The following ACTR3B variants were observed in gnomAD, a reference collection of about 807,000 sequenced individuals.
ACTR3B encodes the protein actin related protein 3B.
In ACTR3B, 8 loss-of-function variants were observed where a neutral mutation model predicts 59.0. The ratio of observed to expected loss-of-function variants is 0.14; its 90% confidence interval spans 0.08 to 0.24. The LOEUF (loss-of-function observed/expected upper bound fraction) is 0.24. ACTR3B is among the 10% of genes least tolerant of loss of function. ACTR3B has a pLI of 1.00. For synonymous variants in ACTR3B, 148 were observed against 197.9 expected, an observed-to-expected ratio of 0.75 and a Z score of 2.12; for missense variants, 245 against 552.3, an observed-to-expected ratio of 0.44 and a Z score of 5.58.
intron 9 of ACTR3B, among the ~76,000 whole-genome samples, chr7:152,838,628 C>T (rs1294900964): frequency 6.6e-6 from 1 of 151,934 alleles, no homozygotes; most frequent in African/African-American, 2.4e-5. Flanking sequence ...ACGTGTATAC[C>T]TGTGTAACAA....
At chr7:152,833,474 C>G (rs1590405213) in intron 9 of ACTR3B, among the ~76,000 whole-genome samples, 1 of 152,260 alleles carries the variant, frequency 6.6e-6, no homozygotes, top group East Asian at 1.9e-4. Context: ...ATAGGGCTGT[C>G]CTCTTAACCT....
rs2689492 is a variant in ACTR3B, at chr7:152,779,902, C to T, written c.45-3285C>T. ...ATTCAAAGTAACAAAACTTCAAGTG[C>T]ATTTGATACTATTAATATATAAGGA... On this transcript the variant is annotated intron_variant, in intron 1 of 11. Transcript: ENST00000256001. Among the ~76,000 whole-genome samples, 3 of 152,120 alleles carry T rather than the reference C, an allele frequency of 2.0e-5. No homozygotes were observed. In the East Asian group the frequency reaches 5.8e-4, roughly 29 times the overall value.
intron 2 of ACTR3B, among the ~76,000 whole-genome samples, chr7:152,788,913 C>T (rs1472186226): frequency 3.3e-5 from 5 of 152,196 alleles, no homozygotes; most frequent in African/African-American, 1.2e-4. Flanking sequence ...ATCCCAGCTA[C>T]TTGGAAGGCT....
At chr7:152,789,724 C>T (rs1387302754) in intron 2 of ACTR3B, among the ~76,000 whole-genome samples, 1 of 151,966 alleles carries the variant, frequency 6.6e-6, no homozygotes, top group African/African-American at 2.4e-5. Flanking sequence ...GCTAGAACTT[C>T]TATTAAAATA....
intron 2 of ACTR3B, among the ~76,000 whole-genome samples, chr7:152,792,767 A>G (rs1563098205): frequency 1.3e-5 from 2 of 152,034 alleles, no homozygotes; most frequent in Non-Finnish European, 2.9e-5. Context: ...CCAAAAAAAC[A>G]AAAACAAAAA....
At chr7:152,823,874 A>G (rs1426643239) in intron 8 of ACTR3B, among the ~76,000 whole-genome samples, 1 of 152,198 alleles carries the variant, frequency 6.6e-6, no homozygotes, top group African/African-American at 2.4e-5. Flanking sequence ...AGAGTGGGAT[A>G]ATATGTAACC....
chr7:152,834,456 C>T (rs951752716), intron 9 of ACTR3B, among the ~76,000 whole-genome samples: 3 of 152,184 alleles, frequency 2.0e-5, no homozygotes, highest in Non-Finnish European at 2.9e-5. Flanking sequence ...GCCCGGTTGT[C>T]GCTGTTTATG....
intron 1 of ACTR3B, among the ~76,000 whole-genome samples, chr7:152,779,593 T>C (rs2098145498): frequency 6.6e-6 from 1 of 152,222 alleles, no homozygotes; most frequent in South Asian, 2.1e-4. Context: ...TCTTGAGCAC[T>C]TGCCATATTT....
chr7:152,785,383 G>C (rs1182165439), intron 2 of ACTR3B, among the ~76,000 whole-genome samples: 1 of 19,874 alleles, frequency 5.0e-5, no homozygotes, highest in East Asian at 2.9e-3. Flanking sequence ...TTGTGAGGGG[G>C]GGGGGAGGGG....
intron 4 of ACTR3B, chr7:152,811,966 C>T (rs1436819799): frequency 8.3e-6 from 1 of 120,142 alleles, no homozygotes; most frequent in African/African-American, 2.7e-5. Context: ...CATTTTTTTC[C>T]ATTAAAATTT....
In ACTR3B at chr7:152,766,090, G is replaced by T. The variant is rs1345464927; in HGVS notation, c.44+6164G>T. Among the ~76,000 whole-genome samples, 4 of 151,970 alleles carry T rather than the reference G, an allele frequency of 2.6e-5. No homozygotes were observed. In the East Asian group the frequency reaches 7.7e-4, roughly 29 times the overall value. On this transcript the variant is annotated intron_variant, in intron 1 of 11. Transcript: ENST00000256001. ...CTTCATGTATTAAGGTCTGTTCAGG[G>T]GTTCCGCAGACCACTCCCAGTTCCA... is the stretch of plus-strand genomic sequence containing the variant.
chr7:152,813,576 A>C (rs1795448290), intron 4 of ACTR3B: 1 of 151,992 alleles, frequency 6.6e-6, no homozygotes, highest in East Asian at 1.9e-4. Context: ...TCTGTCACCC[A>C]GGTTGGAGTG....
intron 1 of ACTR3B, among the ~76,000 whole-genome samples, chr7:152,769,523 A>G (rs983821948): frequency 5.3e-5 from 8 of 152,168 alleles, no homozygotes; most frequent in Admixed American, 3.9e-4. Flanking sequence ...TTTTTAGTCA[A>G]TATGAAAATG....
Position 152,844,509 on chromosome 7 carries a change from C to T in ACTR3B, c.952-7617C>T, listed in dbSNP as rs1483741624. ...AAAAAAATCTAGGTTGTTAGGCTTA[C>T]GTTTATTTGAAATAGAAATTTATCT... On this transcript the variant is annotated intron_variant, in intron 9 of 11. Transcript: ENST00000256001. Among the ~76,000 whole-genome samples, 7 of 151,890 alleles carry T rather than the reference C, an allele frequency of 4.6e-5. No individual in the cohort carries two copies. The South Asian group carries it at 6.2e-4, about 14-fold the overall frequency.
chr7:152,785,400 AGG>A (rs1563089876), intron 2 of ACTR3B, among the ~76,000 whole-genome samples: 4 of 2,364 alleles, frequency 1.7e-3, no homozygotes, highest in South Asian at 0.028. Flanking sequence ...GGGGAGGGGG[AGG>A]GGGAGAGGGA....
intron 9 of ACTR3B, among the ~76,000 whole-genome samples, chr7:152,825,750 C>T (rs1563134957): frequency 6.6e-6 from 1 of 152,084 alleles, no homozygotes; most frequent in Non-Finnish European, 1.5e-5. Flanking sequence ...CCGTGAATTC[C>T]ATTGGTTTCG....
At chr7:152,844,322 T>G (rs1184302363) in intron 9 of ACTR3B, among the ~76,000 whole-genome samples, 1 of 152,136 alleles carries the variant, frequency 6.6e-6, no homozygotes, top group Non-Finnish European at 1.5e-5. Context: ...CCTCCCAAAG[T>G]GCTGAGATTA....
chr7:152,798,113 C>G (rs1231924791), intron 2 of ACTR3B, among the ~76,000 whole-genome samples: 1 of 152,080 alleles, frequency 6.6e-6, no homozygotes, highest in Non-Finnish European at 1.5e-5. Flanking sequence ...AGCCTCTATA[C>G]TGTTTTCCAT....
At position 152,854,438 on chromosome 7, in the gene ACTR3B, C is replaced by T; in HGVS notation, c.1162-20C>T. ...TCTTCTGAAATGAGTGTCTTTCTGT[C>T]TGCCTGTTGCCTCTCGTAGCCCGAG... On this transcript the variant is annotated intron_variant, in intron 11 of 11. Coordinates refer to ENST00000256001, the MANE Select transcript of ACTR3B (RefSeq NM_020445.6). This position sits in a 1 kb window ranked among gnomAD's most constrained non-coding sequence, Gnocchi z 4.9. 1 of 1,607,496 alleles carries T rather than the reference C, an allele frequency of 6.2e-7. No individual in the cohort carries two copies. Among genetic ancestry groups the T allele is most frequent in the Non-Finnish European group, 8.5e-7 (1 of 1,174,052 alleles).
Sources: allele counts gnomAD v4.1 joint callset (sites outside exome capture counted in the v4.1 genomes callset), GRCh38; gene constraint gnomAD v4.1.1; non-coding constraint Gnocchi (gnomAD v3.1); transcripts MANE v1.5; gene names NCBI Gene and HGNC (gene_info 2026-07-23, HGNC 2026-07-21).